PDE7B: variants seen among roughly 807,000 people sequenced by gnomAD.
The protein encoded by PDE7B is 3',5'-cyclic-AMP phosphodiesterase 7B.
Under a neutral mutation model 56.2 loss-of-function variants are expected in PDE7B, and 29 were observed. The observed-to-expected ratio is 0.52, with a 90% CI of 0.38 to 0.70. The LOEUF (loss-of-function observed/expected upper bound fraction) is 0.70. Ranked by LOEUF, PDE7B falls within the 30% of genes least tolerant of loss-of-function variation. The pLI is 0.00. For synonymous variants in PDE7B, 197 were observed against 196.9 expected (o/e 1.00, Z 0.00); for missense variants, 490 against 565.0 (o/e 0.87, Z 1.35).
intron 12 of PDE7B, 77 bp from the exon 13 acceptor site, chr6:136,191,537 C>G (rs1447477542): frequency 8.2e-7 from 1 of 1,225,364 alleles, no homozygotes; most frequent in African/African-American, 1.5e-5. Context: ...CGTGGTGGGT[C>G]CCCAGTCATG....
chr6:136,048,245 T>A (rs186964378), intron 2 of PDE7B, among the ~76,000 whole-genome samples: 12 of 152,114 alleles, frequency 7.9e-5, no homozygotes, highest in African/African-American at 1.9e-4. Context: ...GATGATGGGC[T>A]GGGCGCGGTG....
At chr6:136,169,557 A>C (rs1583921480) in intron 8 of PDE7B, among the ~76,000 whole-genome samples, 1 of 152,142 alleles carries the variant, frequency 6.6e-6, no homozygotes, top group African/African-American at 2.4e-5. Flanking sequence ...GTTCCACTAC[A>C]TGGGGATATG....
chr6:136,152,215 G>A (rs546126832), intron 6 of PDE7B, among the ~76,000 whole-genome samples: 1 of 152,212 alleles, frequency 6.6e-6, no homozygotes, highest in East Asian at 1.9e-4. Context: ...AAAACCATCA[G>A]GAACATACCG....
At chr6:135,919,999 G>GTTTGGTCTTATTTT (rs1336744100) in intron 1 of PDE7B, among the ~76,000 whole-genome samples, 48 of 151,922 alleles carry the variant, frequency 3.2e-4, no homozygotes, top group Admixed American at 6.6e-4. Context: ...TTATAAATAA[G>GTTTGGTCTTATTTT]AAAACCAAAC....
At chr6:136,038,519 A>G in intron 2 of PDE7B, 1 of 1,279,754 alleles carries the variant, frequency 7.8e-7, no homozygotes, top group Non-Finnish European at 1.0e-6. Flanking sequence ...TGCTCTCCGC[A>G]GCTTTCCAGG....
intron 2 of PDE7B, among the ~76,000 whole-genome samples, chr6:136,059,371 TAATC>T (rs1776797419): frequency 6.6e-6 from 1 of 152,218 alleles, no homozygotes; most frequent in African/African-American, 2.4e-5. Context: ...TATACAAAAT[TAATC>T]AAATCCCTGG....
chr6:136,159,020 C>G (rs892647028), intron 8 of PDE7B, among the ~76,000 whole-genome samples: 6 of 152,168 alleles, frequency 3.9e-5, no homozygotes, highest in African/African-American at 9.7e-5. Flanking sequence ...TTACTCATGA[C>G]ACAGCATCCT....
intron 1 of PDE7B, among the ~76,000 whole-genome samples, chr6:135,869,366 A>T (rs868826745): frequency 6.6e-6 from 1 of 152,118 alleles, no homozygotes; most frequent in African/African-American, 2.4e-5. Flanking sequence ...TCTCTCAAAT[A>T]ATCTCAGAAA....
intron 12 of PDE7B, among the ~76,000 whole-genome samples, chr6:136,188,680 T>G (rs1262984249): frequency 6.6e-6 from 1 of 152,184 alleles, no homozygotes; most frequent in Admixed American, 6.5e-5. Context: ...AGAGATTCTG[T>G]CCTGTTGTTG....
intron 8 of PDE7B, among the ~76,000 whole-genome samples, chr6:136,170,175 G>T (rs1222405489): frequency 1.3e-5 from 2 of 152,100 alleles, no homozygotes; most frequent in Non-Finnish European, 2.9e-5. Context: ...CGTATGGGTG[G>T]CTCAGATACA....
chr6:136,041,671 A>G (rs1776417161), intron 2 of PDE7B, among the ~76,000 whole-genome samples: 1 of 152,256 alleles, frequency 6.6e-6, no homozygotes, highest in South Asian at 2.1e-4. Flanking sequence ...GGGCTCTGGA[A>G]GTTATCAGCA....
intron 2 of PDE7B, chr6:136,096,013 C>T (rs1228054928): frequency 2.0e-5 from 3 of 152,226 alleles, no homozygotes; most frequent in Non-Finnish European, 4.4e-5. Flanking sequence ...GTTTTTCCAT[C>T]TGTTTCCTTC....
intron 2 of PDE7B, among the ~76,000 whole-genome samples, chr6:135,984,291 G>GTTTTTTTGTTTGT (rs1554271461): frequency 2.6e-5 from 4 of 151,926 alleles, no homozygotes; most frequent in Admixed American, 6.6e-5. Flanking sequence ...CAATTGTTTT[G>GTTTTTTTGTTTGT]TTTTTTTGTT....
chr6:135,928,465 T>TTATATATATATA (rs1294944166), intron 1 of PDE7B, among the ~76,000 whole-genome samples: 2 of 75,560 alleles, frequency 2.6e-5, no homozygotes, highest in African/African-American at 1.1e-4. Flanking sequence ...ATATATATAT[T>TTATATATATATA]TATTTATATA....
intron 2 of PDE7B, among the ~76,000 whole-genome samples, chr6:136,049,712 G>A (rs1776591434): frequency 6.6e-6 from 1 of 152,176 alleles, no homozygotes; most frequent in Admixed American, 6.5e-5. Flanking sequence ...AGGCAAAGAA[G>A]CACAGGAAAT....
intron 2 of PDE7B, among the ~76,000 whole-genome samples, chr6:136,082,566 G>A (rs1317303780): frequency 1.3e-5 from 2 of 152,206 alleles, no homozygotes; most frequent in East Asian, 1.9e-4. Context: ...GTAAGAACCT[G>A]CCTTGCAGTT....
intron 2 of PDE7B, among the ~76,000 whole-genome samples, chr6:136,004,224 T>C (rs1775731417): frequency 6.6e-6 from 1 of 152,182 alleles, no homozygotes; most frequent in Non-Finnish European, 1.5e-5. Flanking sequence ...GAGCTATCTA[T>C]GACAAACCCA....
chr6:135,873,743 A>G (rs1775435485), intron 1 of PDE7B, among the ~76,000 whole-genome samples: 1 of 152,200 alleles, frequency 6.6e-6, no homozygotes, highest in South Asian at 2.1e-4. Context: ...GTTTATATTC[A>G]CAGACATAGA....
intron 2 of PDE7B, among the ~76,000 whole-genome samples, chr6:135,965,170 G>A (rs1004554454): frequency 6.6e-6 from 1 of 152,156 alleles, no homozygotes; most frequent in African/African-American, 2.4e-5. Flanking sequence ...AAATGAATAA[G>A]ACATTGCATT....
Sources: allele counts gnomAD v4.1 joint callset (sites outside exome capture counted in the v4.1 genomes callset), GRCh38; gene constraint gnomAD v4.1.1; transcripts MANE v1.5; gene names NCBI Gene and HGNC (gene_info 2026-07-23, HGNC 2026-07-21).